The following RESF1 variants were observed in gnomAD, a reference collection of about 807,000 sequenced individuals.
The protein encoded by RESF1 is retroelement silencing factor 1.
A neutral mutation model predicts 134.7 loss-of-function variants in RESF1; 65 were observed. That is an observed-to-expected ratio of 0.48 (90% CI 0.40 to 0.59). The LOEUF is 0.59. Ranked by LOEUF, RESF1 falls within the 20% of genes least tolerant of loss-of-function variation. The probability of loss-of-function intolerance (pLI) is 0.00; values close to 1 mark genes in which losing one functional copy is unlikely to be tolerated. For missense variants in RESF1, 2,274 were observed against 2,002.7 expected, an observed-to-expected ratio of 1.14 and a Z score of -2.59; for synonymous variants, 762 against 702.2, an observed-to-expected ratio of 1.09 and a Z score of -1.35.
chr12:31,965,067 C>A (rs11051701), intron 2 of RESF1, among the ~76,000 whole-genome samples: 3 of 152,006 alleles, frequency 2.0e-5, no homozygotes, highest in African/African-American at 7.2e-5. Flanking sequence ...TCCGATTCTT[C>A]TGCCTCAGCC....
rs1268596316 is a variant in RESF1 at position 31,985,319 on chromosome 12, A to G, written c.4364A>G (p.His1455Arg). 24 of 1,612,326 alleles carry G rather than the reference A, an allele frequency of 1.5e-5. No individual in the cohort carries two copies. Among genetic ancestry groups the G allele is most frequent in the African/African-American group, 2.7e-5 (2 of 74,838 alleles). ...AAGGAGTATTTACAAAGGCAGAAGCATAAAGAAGCTCTGAGTAATAAAGCA... is the reference window on the plus strand; with the variant it reads ...AAGGAGTATTTACAAAGGCAGAAGCGTAAAGAAGCTCTGAGTAATAAAGCA... ...TPKEYLQRQK[H>R]KEALSNKASK... The change falls in exon 4 of 6, where the codon CAT (histidine) becomes CGT (arginine). Residue 1455 changes from histidine (H) to arginine (R), a missense_variant. Coordinates refer to ENST00000312561, the MANE Select transcript of RESF1 (RefSeq NM_018169.4).
chr12:31,980,463 A>G (rs1939754772), intron 3 of RESF1, among the ~76,000 whole-genome samples: 1 of 152,132 alleles, frequency 6.6e-6, no homozygotes, highest in Admixed American at 6.6e-5. Context: ...AGCCCTGGGG[A>G]GTTTAGACTT....
intron 3 of RESF1, among the ~76,000 whole-genome samples, chr12:31,973,641 A>G (rs1443412925): frequency 6.6e-6 from 1 of 151,754 alleles, no homozygotes; most frequent in African/African-American, 2.4e-5. Flanking sequence ...TCGAGTTTTC[A>G]GTTTTCTTCT....
At chr12:31,964,303 G>A (rs377310753) in intron 2 of RESF1, among the ~76,000 whole-genome samples, 1 of 150,904 alleles carries the variant, frequency 6.6e-6, no homozygotes, top group East Asian at 1.9e-4. Context: ...CCCACGCTTT[G>A]CCTGCTTATA....
Position 31,981,432 on chromosome 12 carries a change from A to C in RESF1, c.477A>C (p.Ser159=), listed in dbSNP as rs778240919. The C allele has an allele frequency of 1.2e-6, 2 of 1,614,024 alleles. No individual in the cohort carries two copies. The highest frequency in any genetic ancestry group is 4.5e-5 in the East Asian group (2 of 44,894). ...CACTACAGAGTCAACTGATAACATC[A>C]GATACCTATTCTATGCAAATGCAGA... is the stretch of plus-strand genomic sequence containing the variant. ...MPALQSQLIT[S]DTYSMQMQMI... is the part of the protein sequence containing the mutation. The change falls in exon 4 of 6, where the codon TCA becomes TCC. Residue 159 remains serine, a synonymous_variant. Coordinates refer to ENST00000312561, the MANE Select transcript of RESF1 (RefSeq NM_018169.4).
intron 3 of RESF1, among the ~76,000 whole-genome samples, chr12:31,978,746 G>C (rs576692681): frequency 1.7e-3 from 225 of 129,386 alleles, no homozygotes; most frequent in African/African-American, 6.1e-3. Context: ...ATATTTAGTA[G>C]AGGCCGGGGT....
chr12:31,980,140 T>G (rs2120839935), intron 3 of RESF1, among the ~76,000 whole-genome samples: 2 of 145,970 alleles, frequency 1.4e-5, no homozygotes, highest in South Asian at 4.5e-4. Context: ...AAACAGAGTC[T>G]TCACTCTGTC....
intron 3 of RESF1, among the ~76,000 whole-genome samples, chr12:31,972,605 CAAAAAAAAAA>C (rs71064904): frequency 9.2e-6 from 1 of 109,194 alleles, no homozygotes; most frequent in African/African-American, 3.6e-5. Flanking sequence ...GACTCCGTCT[CAAAAAAAAAA>C]AAAAAAAAAA....
At chr12:31,963,617 TC>T (rs1369628745) in intron 2 of RESF1, among the ~76,000 whole-genome samples, 1 of 152,164 alleles carries the variant, frequency 6.6e-6, no homozygotes, top group Non-Finnish European at 1.5e-5. Flanking sequence ...GTGTACAGTT[TC>T]AGTGGTTTTT....
intron 2 of RESF1, among the ~76,000 whole-genome samples, chr12:31,962,917 G>A (rs1437572068): frequency 6.6e-6 from 1 of 151,700 alleles, no homozygotes; most frequent in East Asian, 1.9e-4. Flanking sequence ...GGCCAACATG[G>A]TGAAGCTCCA....
intron 3 of RESF1, among the ~76,000 whole-genome samples, chr12:31,978,005 A>G (rs1939677143): frequency 6.6e-6 from 1 of 151,314 alleles, no homozygotes; most frequent in Non-Finnish European, 1.5e-5. Context: ...GGATTTCACC[A>G]TGTTGTTCAG....
chr12:31,967,896 C>T (rs1939434475), intron 2 of RESF1, among the ~76,000 whole-genome samples: 1 of 152,084 alleles, frequency 6.6e-6, no homozygotes, highest in South Asian at 2.1e-4. Context: ...TATTGTGGTC[C>T]AGGACCATCT....
At chr12:31,967,862 C>CAAA (rs1939434011) in intron 2 of RESF1, among the ~76,000 whole-genome samples, 1 of 152,086 alleles carries the variant, frequency 6.6e-6, no homozygotes, top group Admixed American at 6.5e-5. Flanking sequence ...ATTGTAAAGT[C>CAAA]AAAATTATTA....
At chr12:31,973,968 C>G (rs554297889) in intron 3 of RESF1, among the ~76,000 whole-genome samples, 1 of 152,254 alleles carries the variant, frequency 6.6e-6, no homozygotes, top group South Asian at 2.1e-4. Flanking sequence ...CCCCTGACTT[C>G]GCCAGACCTG....
At chr12:31,969,235 C>G (rs926636203) in intron 2 of RESF1, among the ~76,000 whole-genome samples, 1 of 151,524 alleles carries the variant, frequency 6.6e-6, no homozygotes. Context: ...AGCCACCACA[C>G]CTGGCCAGTG....
intron 3 of RESF1, among the ~76,000 whole-genome samples, chr12:31,977,986 G>A (rs11612457): frequency 0.094 from 14,144 of 151,074 alleles, 761 homozygotes; most frequent in Non-Finnish European, 0.13. Context: ...TGTATTTTTG[G>A]TAGAGACAGG....
intron 3 of RESF1, among the ~76,000 whole-genome samples, chr12:31,971,859 A>G (rs903172059): frequency 6.6e-6 from 1 of 152,180 alleles, no homozygotes; most frequent in Non-Finnish European, 1.5e-5. Context: ...TAGCAGAATA[A>G]CTGAAACAGG....
Position 31,987,303 on chromosome 12 carries a change from G to C in RESF1, c.5067G>C (p.Gln1689His), listed in dbSNP as rs767883330. The change falls in exon 5 of 6, where the codon CAG (glutamine) becomes CAC (histidine). Residue 1689 changes from glutamine (Q) to histidine (H), a missense_variant. Gln to His is a conservative substitution (Grantham distance 24). Transcript: ENST00000312561. ...LKFVATKKRTQKDSQERDNVN... is the reference protein window; with the variant it reads ...LKFVATKKRTHKDSQERDNVN... ...TTGTTGCTACAAAGAAAAGGACACA[G>C]AAAGACAGCCAAGAGAGAGGTAAAG... 10 of 1,602,138 alleles carry C rather than the reference G, an allele frequency of 6.2e-6. No individual in the cohort carries two copies. Among genetic ancestry groups the C allele is most frequent in the African/African-American group, 1.3e-5 (1 of 74,568 alleles).
At chr12:31,988,698 AT>A (rs11330918) in intron 5 of RESF1, among the ~76,000 whole-genome samples, 117,533 of 151,034 alleles carry the variant, frequency 0.78, 45,616 homozygotes, top group South Asian at 0.83. Flanking sequence ...TGAGTATTTG[AT>A]TTTTTTTTTG....
Sources: allele counts gnomAD v4.1 joint callset (sites outside exome capture counted in the v4.1 genomes callset), GRCh38; gene constraint gnomAD v4.1.1; transcripts MANE v1.5; gene names NCBI Gene and HGNC (gene_info 2026-07-23, HGNC 2026-07-21).